CSMD3: variants seen among roughly 807,000 people sequenced by gnomAD.
CSMD3 encodes the protein CUB and sushi domain-containing protein 3.
Under a neutral mutation model 435.2 loss-of-function variants are expected in CSMD3, and 177 were observed. That is an observed-to-expected ratio of 0.41 (90% confidence interval 0.36 to 0.46). CSMD3 has a LOEUF of 0.46. Among genes scored for constraint, CSMD3 ranks in the 20% least tolerant of loss-of-function variants. The pLI is 0.34. For synonymous variants in CSMD3, 1,656 were observed against 1,520.5 expected, an observed-to-expected ratio of 1.09 and a Z score of -2.07; for missense variants, 4,265 against 4,504.6, an observed-to-expected ratio of 0.95 and a Z score of 1.52.
intron 2 of CSMD3, among the ~76,000 whole-genome samples, chr8:113,305,613 C>A (rs1260237139): frequency 6.6e-6 from 1 of 152,192 alleles, no homozygotes; most frequent in Non-Finnish European, 1.5e-5. Context: ...AAAGCCACCT[C>A]ATTTCTTTTT....
At chr8:112,618,929 A>G (rs1833859102) in intron 22 of CSMD3, among the ~76,000 whole-genome samples, 1 of 152,104 alleles carries the variant, frequency 6.6e-6, no homozygotes, top group East Asian at 1.9e-4. Context: ...TTTTATTAAA[A>G]TTATTCATAT....
intron 13 of CSMD3, among the ~76,000 whole-genome samples, chr8:112,766,671 C>T (rs1234059321): frequency 2.0e-5 from 3 of 151,778 alleles, no homozygotes; most frequent in Admixed American, 2.0e-4. Flanking sequence ...ATTTCTGCTG[C>T]ACTTCATAGC....
chr8:113,217,076 T>A (rs2092914008), intron 3 of CSMD3, among the ~76,000 whole-genome samples: 1 of 151,670 alleles, frequency 6.6e-6, no homozygotes, highest in Admixed American at 6.6e-5. Context: ...TTGGTAGAGA[T>A]CCAAGTAAGA....
chr8:112,516,021 A>T lies in CSMD3; in HGVS notation c.4756+1013T>A, dbSNP rs377578966. ...GGGAGTTACAAGATGGGGTAAAATA[A>T]ATCTGAATAATTGATTGAGTTTGTT... On this transcript the variant is annotated intron_variant, in intron 28 of 70. Coordinates refer to ENST00000297405, the MANE Select transcript of CSMD3 (RefSeq NM_198123.2). Among the ~76,000 whole-genome samples, 4 of 152,214 alleles carry T rather than the reference A, an allele frequency of 2.6e-5. No homozygotes were observed. In the East Asian group the frequency reaches 5.8e-4, roughly 22 times the overall value.
chr8:112,892,149 C>T (rs1304937041), intron 10 of CSMD3, among the ~76,000 whole-genome samples: 1 of 151,396 alleles, frequency 6.6e-6, no homozygotes, highest in Non-Finnish European at 1.5e-5. Context: ...AGTATTCTCT[C>T]CCTTATTGCC....
chr8:112,317,091 T>C (rs988087948), intron 47 of CSMD3, among the ~76,000 whole-genome samples: 2 of 151,974 alleles, frequency 1.3e-5, no homozygotes, highest in African/African-American at 2.4e-5. Flanking sequence ...AAACTCTACA[T>C]AAACTCATTC....
At chr8:113,264,774 T>C (rs2093454955) in intron 3 of CSMD3, among the ~76,000 whole-genome samples, 1 of 151,738 alleles carries the variant, frequency 6.6e-6, no homozygotes, top group African/African-American at 2.4e-5. Context: ...TAAATATGTA[T>C]GAATATCACA....
In CSMD3 at chr8:112,408,947, C is replaced by T. The variant is rs2130076429; in HGVS notation, c.5481G>A (p.Leu1827=). ...AATGGGATCCTGAGAGGGAAGATAA[C>T]AGAGAAGATTGCTGAGTTGGCCCAT... ...VYDGPTQQSS[L]LSSLSGSHSG... is the part of the protein sequence containing the mutation. Residue 1827 remains leucine, a synonymous_variant, in exon 33 of 71, where the codon CTG becomes CTA. Coordinates refer to ENST00000297405, the MANE Select transcript of CSMD3 (RefSeq NM_198123.2). 2 of 1,613,552 alleles carry T rather than the reference C, an allele frequency of 1.2e-6. No homozygotes were observed. The highest frequency in any genetic ancestry group is 1.7e-6 in the Non-Finnish European group (2 of 1,179,664).
intron 59 of CSMD3, among the ~76,000 whole-genome samples, chr8:112,274,018 T>C (rs1158019296): frequency 6.6e-6 from 1 of 151,970 alleles, no homozygotes; most frequent in Admixed American, 6.6e-5. Context: ...TGAGGTGTTT[T>C]GCCAAATGTT....
intron 9 of CSMD3, among the ~76,000 whole-genome samples, chr8:112,937,733 C>T (rs2083329477): frequency 6.6e-6 from 1 of 151,970 alleles, no homozygotes; most frequent in Admixed American, 6.6e-5. Context: ...ATAGTAATTG[C>T]AAAGACCAAT....
intron 3 of CSMD3, among the ~76,000 whole-genome samples, chr8:113,187,237 T>A (rs1371956442): frequency 6.6e-6 from 1 of 151,544 alleles, no homozygotes; most frequent in Non-Finnish European, 1.5e-5. Flanking sequence ...CTAATCCTTC[T>A]TGGTCATGTG....
chr8:113,198,391 G>T (rs532906420), intron 3 of CSMD3, among the ~76,000 whole-genome samples: 13 of 151,240 alleles, frequency 8.6e-5, no homozygotes, highest in Admixed American at 1.3e-4. Flanking sequence ...GACCAAAATT[G>T]ATTCATATTC....
At chr8:113,265,199 A>C (rs117068591) in intron 3 of CSMD3, among the ~76,000 whole-genome samples, 1 of 151,704 alleles carries the variant, frequency 6.6e-6, no homozygotes, top group East Asian at 1.9e-4. Context: ...AGCATTCAAA[A>C]ATCTATGATT....
At position 112,645,139 on chromosome 8, in the gene CSMD3, T is replaced by A. The variant is rs1163230237; in HGVS notation, c.3280A>T (p.Thr1094Ser). The change falls in exon 20 of 71, where the codon ACA becomes TCA. Residue 1094 changes from threonine (T) to serine (S), a missense_variant. This residue lies in a region of CSMD3 where 3,255 missense variants were observed against 3,380.2 expected (regional missense o/e 0.96). Coordinates refer to ENST00000297405, the MANE Select transcript of CSMD3 (RefSeq NM_198123.2). ...CCATGGGTTACATCAACAGTCCATG[T>A]ACAATTCAGAGAATTTGGATAAAAT... ...PEFYPNSLNC[T>S]WTVDVTHGKG... 3.8e-6 allele frequency: 6 copies of A among 1,599,142 alleles called. No individual in the cohort carries two copies. The highest frequency in any genetic ancestry group is 5.1e-6 in the Non-Finnish European group (6 of 1,166,398).
chr8:112,718,995 T>C (rs2076796469), intron 13 of CSMD3, among the ~76,000 whole-genome samples: 1 of 152,162 alleles, frequency 6.6e-6, no homozygotes, highest in Non-Finnish European at 1.5e-5. Context: ...AGCATTTTTC[T>C]GTATAAATTC....
intron 5 of CSMD3, among the ~76,000 whole-genome samples, chr8:113,095,598 A>G (rs1331430553): frequency 1.3e-5 from 2 of 152,204 alleles, no homozygotes; most frequent in East Asian, 1.9e-4. Context: ...GAAAATTTAT[A>G]AAGTCAATCT....
chr8:112,445,534 C>T (rs1815506471), intron 32 of CSMD3, among the ~76,000 whole-genome samples: 2 of 152,056 alleles, frequency 1.3e-5, no homozygotes, highest in South Asian at 4.1e-4. Flanking sequence ...TTTTAGACAA[C>T]CAGCTATCAC....
chr8:113,159,725 T>G (rs1421623970), intron 4 of CSMD3, among the ~76,000 whole-genome samples: 1 of 152,064 alleles, frequency 6.6e-6, no homozygotes, highest in Non-Finnish European at 1.5e-5. Flanking sequence ...CATTATAATA[T>G]CTATAGGATT....
chr8:112,741,476 C>A (rs1246963269), intron 13 of CSMD3, among the ~76,000 whole-genome samples: 2 of 151,864 alleles, frequency 1.3e-5, no homozygotes, highest in Non-Finnish European at 2.9e-5. Context: ...CAAGAGCTGG[C>A]AGGACATGAA....
Sources: gnomAD v4.1 joint callset for allele counts (sites outside exome capture counted in the v4.1 genomes callset) on GRCh38, gnomAD v4.1.1 for gene constraint, gnomAD v4.1.1 regional missense constraint, MANE v1.5 for transcripts, NCBI Gene and HGNC (gene_info 2026-07-23, HGNC 2026-07-21) for gene names.